Variants in TRPM1 observed in about 807,000 individuals in gnomAD.
TRPM1 encodes the protein TRPM1-203 APA Isoform, Intron 10.
In TRPM1, 113 loss-of-function variants were observed where a neutral mutation model predicts 149.4. That is an observed-to-expected ratio of 0.76 (90% CI 0.65 to 0.88). TRPM1 has a LOEUF of 0.88. TRPM1 is among the 40% of genes least tolerant of loss of function. The pLI is 0.00. For synonymous variants in TRPM1, 741 were observed against 759.5 expected (o/e 0.98, Z 0.40); for missense variants, 1,976 against 2,038.7 (o/e 0.97, Z 0.59).
chr15:31,046,947 G>A (rs1452765049), intron 15 of TRPM1, among the ~76,000 whole-genome samples, 164 bp downstream of exon 15: 2 of 152,230 alleles, frequency 1.3e-5, no homozygotes, highest in Admixed American at 6.5e-5. Context: ...AGGGGAGCTG[G>A]AGAATGCCGT....
At chr15:31,130,505 A>G (rs1372179635) in intron 1 of TRPM1, among the ~76,000 whole-genome samples, 1 of 152,204 alleles carries the variant, frequency 6.6e-6, no homozygotes, top group East Asian at 1.9e-4. Context: ...AGGACTAACA[A>G]ATTAGCTACA....
In TRPM1 at chr15:31,026,191, C is replaced by A; in HGVS notation, c.3577G>T (p.Glu1193Ter). 2 of 1,612,522 alleles carry A rather than the reference C, an allele frequency of 1.2e-6. No homozygotes were observed. Among genetic ancestry groups the A allele is most frequent in the Non-Finnish European group, 1.7e-6 (2 of 1,180,028 alleles). ...QCVQEHFREK[E>*]DEQQSSSDER... is the part of the protein sequence containing the mutation. Reference sequence around the variant, plus strand: ...TCGCTGGACGACTGCTGCTCATCCTCCTTCTCCCGGAAGTGCTCCTGCACG... The same window carrying A: ...TCGCTGGACGACTGCTGCTCATCCTACTTCTCCCGGAAGTGCTCCTGCACG... Residue 1193 changes from glutamate (E) to a stop codon, truncating the protein, a stop_gained, in exon 27 of 28, where the codon GAG becomes TAG. Transcript: ENST00000256552. LOFTEE classifies it high-confidence loss of function.
At chr15:31,075,670 G>A (rs918714592) in intron 3 of TRPM1, among the ~76,000 whole-genome samples, 1 of 152,152 alleles carries the variant, frequency 6.6e-6, no homozygotes, top group African/African-American at 2.4e-5. Context: ...TGGTGGAGAG[G>A]GAGCTCTGTG....
At chr15:31,042,352 T>A in intron 16 of TRPM1, 109 bp from the exon 17 acceptor site, 1 of 1,126,276 alleles carries the variant, frequency 8.9e-7, no homozygotes, top group Non-Finnish European at 1.3e-6. Flanking sequence ...ATAAAGAGAC[T>A]TCTGAAGTAC....
intron 27 of TRPM1, among the ~76,000 whole-genome samples, chr15:31,004,395 C>G (rs931083496): frequency 1.3e-5 from 2 of 151,984 alleles, no homozygotes; most frequent in South Asian, 2.1e-4. Context: ...ACTCCACCCC[C>G]ACCCTGCTGC....
intron 27 of TRPM1, among the ~76,000 whole-genome samples, chr15:31,006,180 CTT>C (rs2031980837): frequency 6.6e-6 from 1 of 151,942 alleles, no homozygotes; most frequent in Admixed American, 6.6e-5. Flanking sequence ...CTTTTCTTTT[CTT>C]TTCTTTTTTT....
At chr15:31,083,134 C>T (rs116471383) in intron 1 of TRPM1, among the ~76,000 whole-genome samples, 1,566 of 152,114 alleles carry the variant, frequency 0.01, 32 homozygotes, top group African/African-American at 0.036. Flanking sequence ...GGTGTACTGC[C>T]GGGCGAGGCT....
At chr15:31,101,571 A>G (rs1219721238) in intron 1 of TRPM1, 86 bp downstream of exon 1, 1 of 822,646 alleles carries the variant, frequency 1.2e-6, no homozygotes. Context: ...TCTGCACCTG[A>G]GTTTGTCCAC....
chr15:31,132,351 G>A (rs2036027955), intron 1 of TRPM1, among the ~76,000 whole-genome samples: 1 of 152,164 alleles, frequency 6.6e-6, no homozygotes, highest in South Asian at 2.1e-4. Flanking sequence ...CTGATTCAGG[G>A]CTCCAGCCCC....
rs2032797968 is a variant in TRPM1 at position 31,026,995 on chromosome 15, A to C, written c.3416T>G (p.Ile1139Ser). The C allele has an allele frequency of 6.2e-7, 1 of 1,614,020 alleles. No individual in the cohort carries two copies. Among genetic ancestry groups the C allele is most frequent in the Admixed American group, 1.7e-5 (1 of 60,000 alleles). ...LPPPMIILSH[I>S]YIIIMRLSGR... The stretch of plus-strand genomic sequence containing the variant: ...GCTGAGACGCATAATGATGATGTAG[A>C]TGTGGCTTAAAATGATCATCGGTGG... The change falls in exon 26 of 28, where the codon ATC becomes AGC. Residue 1139 changes from isoleucine to serine, a missense_variant. Around this residue, in one of 3 missense-constraint regions of TRPM1, gnomAD observed 72 missense variants for 112.7 expected, o/e 0.64. Coordinates refer to ENST00000256552, the MANE Select transcript of TRPM1 (RefSeq NM_001252024.2).
intron 16 of TRPM1, among the ~76,000 whole-genome samples, chr15:31,045,452 C>A (rs900537391): frequency 6.6e-6 from 1 of 152,198 alleles, no homozygotes. Context: ...ATAATAATTT[C>A]TCCCTTTCTT....
At chr15:31,056,967 A>G (rs1389322076) in intron 11 of TRPM1, among the ~76,000 whole-genome samples, 1 of 152,222 alleles carries the variant, frequency 6.6e-6, no homozygotes, top group African/African-American at 2.4e-5. Flanking sequence ...GCTTTTATGT[A>G]AAAGTTACTT....
chr15:31,037,135 C>T (rs1264704671), intron 20 of TRPM1, among the ~76,000 whole-genome samples: 1 of 152,248 alleles, frequency 6.6e-6, no homozygotes. Context: ...GCCCTCCTGC[C>T]TCCTCTCCTG....
chr15:31,161,034 C>A (rs1250876253), exon 1 of TRPM1: 1 of 1,438,602 alleles, frequency 7.0e-7, no homozygotes, highest in East Asian at 2.5e-5. Flanking sequence ...GGCTGCCCTC[C>A]CTGGGTGGGC....
intron 14 of TRPM1, among the ~76,000 whole-genome samples, chr15:31,047,548 G>C (rs1361669557): frequency 8.5e-5 from 13 of 152,140 alleles, no homozygotes; most frequent in Admixed American, 8.5e-4. Context: ...CTCAAAGGAG[G>C]GACAGAACGA....
At chr15:31,003,904 A>G (rs1340176280) in intron 27 of TRPM1, among the ~76,000 whole-genome samples, 2 of 151,980 alleles carry the variant, frequency 1.3e-5, no homozygotes, top group African/African-American at 2.4e-5. Context: ...CTATGAAACC[A>G]TAATGTTGCC....
In TRPM1 at chr15:31,068,081, T is replaced by A. The variant is rs749235790; in HGVS notation, c.291A>T (p.Val97=). 1.2e-6 allele frequency: 2 copies of A among 1,614,102 alleles called. No homozygotes were observed. Among genetic ancestry groups the A allele is most frequent in the Admixed American group, 3.3e-5 (2 of 60,030 alleles). Residue 97 remains valine, a synonymous_variant, in exon 5 of 28, where the codon GTA becomes GTT. Coordinates refer to ENST00000256552, the MANE Select transcript of TRPM1 (RefSeq NM_001252024.2). ...GYSNKAMYIR[V]SYDTKPDSLL... is the part of the protein sequence containing the mutation. ...GTGAGTCTGGCTTGGTGTCATAGGA[T>A]ACACGGATATACTGTGAAAGAGTGT...
At chr15:31,088,948 T>C (rs187613819) in intron 1 of TRPM1, among the ~76,000 whole-genome samples, 1 of 152,150 alleles carries the variant, frequency 6.6e-6, no homozygotes, top group Non-Finnish European at 1.5e-5. Flanking sequence ...TGCTGGCGCC[T>C]CTGTGAGGCA....
chr15:31,152,948 CAG>C (rs1007417811), intron 1 of TRPM1, among the ~76,000 whole-genome samples: 5 of 152,198 alleles, frequency 3.3e-5, no homozygotes, highest in African/African-American at 1.2e-4. Flanking sequence ...CAGCCTAAAA[CAG>C]AGATCTCAAG....
Sources: gnomAD v4.1 joint callset for allele counts (sites outside exome capture counted in the v4.1 genomes callset) on GRCh38, gnomAD v4.1.1 for gene constraint, gnomAD v4.1.1 regional missense constraint, MANE v1.5 for transcripts, NCBI Gene and HGNC (gene_info 2026-07-23, HGNC 2026-07-21) for gene names.